The following CHD3 variants were observed in gnomAD, a reference collection of about 807,000 sequenced individuals.
CHD3 encodes ATP-dependent chromatin remodeler CHD3.
A neutral mutation model predicts 248.9 loss-of-function variants in CHD3; 52 were observed. The observed-to-expected ratio is 0.21, with a 90% CI of 0.17 to 0.26. The LOEUF is 0.26. Among genes scored for constraint, CHD3 ranks in the 10% least tolerant of loss-of-function variants. CHD3 has a pLI of 1.00. For missense variants in CHD3, 1,482 were observed against 2,605.8 expected, an observed-to-expected ratio of 0.57 and a Z score of 9.39; for synonymous variants, 985 against 985.2, an observed-to-expected ratio of 1.00 and a Z score of 0.00.
chr17:7,899,817 A>G lies in CHD3; in HGVS notation c.2545-79A>G. 1 of 1,541,736 alleles carries G rather than the reference A, an allele frequency of 6.5e-7. No individual in the cohort carries two copies. Among genetic ancestry groups the G allele is most frequent in the Non-Finnish European group, 8.8e-7 (1 of 1,130,982 alleles). On this transcript the variant is annotated intron_variant, in intron 15 of 39. Transcript: ENST00000330494. The surrounding 1 kb of genome is among the most constrained non-coding windows in gnomAD (Gnocchi z 6.8). ...ATGGCTCCTGTTGGGAGCCACAGTC[A>G]GGACAAGGTGTCTGGTTCTGGAGGT...
Position 7,894,281 on chromosome 17 carries a change from T to C in CHD3, c.1075+16T>C. ...AAGAAGAAGGGTAAGGAGTGTTGAC[T>C]GTGTGTGATCCTGTCAGTGGGCCGT... On this transcript the variant is annotated intron_variant, in intron 7 of 39. Coordinates refer to ENST00000330494, the MANE Select transcript of CHD3 (RefSeq NM_001005273.3). 1.9e-6 allele frequency: 3 copies of C among 1,612,126 alleles called. No homozygotes were observed. The highest frequency in any genetic ancestry group is 2.5e-6 in the Non-Finnish European group (3 of 1,178,856).
In CHD3 at chr17:7,905,181, C is replaced by G. The variant is rs1244345951; in HGVS notation, c.4138+16C>G. 1 of 1,610,272 alleles carries G rather than the reference C, an allele frequency of 6.2e-7. No individual in the cohort carries two copies. Among genetic ancestry groups the G allele is most frequent in the Non-Finnish European group, 8.5e-7 (1 of 1,176,456 alleles). On this transcript the variant is annotated intron_variant, in intron 26 of 39. Coordinates refer to ENST00000330494, the MANE Select transcript of CHD3 (RefSeq NM_001005273.3). This position sits in a 1 kb window ranked among gnomAD's most constrained non-coding sequence, Gnocchi z 5.8. ...CGTCCTGAAGGTGGCATCTGTGTTC[C>G]TGACTCTACCTCACCTCTTCCCGTT...
rs1253948370 is a variant in CHD3 at position 7,907,751 on chromosome 17, G to A, written c.5026+49G>A. 1 of 1,510,768 alleles carries A rather than the reference G, an allele frequency of 6.6e-7. No individual in the cohort carries two copies. The highest frequency in any genetic ancestry group is 2.7e-5 in the Admixed American group (1 of 37,732). The allele number at this position is 1,510,768 out of a possible 1,614,324, so 93.6% of individuals were successfully genotyped here. A position where few individuals can be genotyped will look rare whatever the true frequency, so the allele number is the denominator to read the frequency against. On this transcript the variant is annotated intron_variant, in intron 33 of 39. Coordinates refer to ENST00000330494, the MANE Select transcript of CHD3 (RefSeq NM_001005273.3). This position sits in a 1 kb window ranked among gnomAD's most constrained non-coding sequence, Gnocchi z 4.3. ...ACCTGGGTCCCAGAGGGCATCAGGG[G>A]AGGTGGAGTCTGGGGAACCGAATGC...
chr17:7,896,998 T>A, intron 10 of CHD3, 85 bp from the exon 11 acceptor site: 7 of 1,129,964 alleles, frequency 6.2e-6, no homozygotes, highest in Non-Finnish European at 9.3e-6. Context: ...CCTGTCCCAT[T>A]CCTCCTGCCG....
rs895982670 is a variant in CHD3 at position 7,909,510 on chromosome 17, A to G, written c.5590+172A>G. On this transcript the variant is annotated intron_variant, in intron 37 of 39. Coordinates refer to ENST00000330494, the MANE Select transcript of CHD3 (RefSeq NM_001005273.3). This position sits in a 1 kb window ranked among gnomAD's most constrained non-coding sequence, Gnocchi z 8.1. ...GGCACCCCCTTGGATTTTAGCCTCT[A>G]GGACTTGTGCAAGCCAACCCTCATC... is the stretch of plus-strand genomic sequence containing the variant. 2.6e-4 allele frequency: 257 copies of G among 986,978 alleles called. 6 individuals carry two copies. The Admixed American group carries it at 7.6e-3, about 29-fold the overall frequency. The allele number at this position is 986,978 out of a possible 1,614,324, so 61.1% of individuals were successfully genotyped here.
upstream of CHD3, among the ~76,000 whole-genome samples, chr17:7,886,507 T>G (rs1967974181): frequency 6.6e-6 from 1 of 152,170 alleles, no homozygotes; most frequent in Admixed American, 6.5e-5. The surrounding 1 kb of genome is among the most constrained non-coding windows in gnomAD (Gnocchi z 4.2). Flanking sequence ...AACGTTCCTG[T>G]CTAGCCGAGA....
Position 7,902,687 on chromosome 17 carries a change from C to T in CHD3, c.3330C>T (p.Ile1110=). ...GYKYERIDGG[I]TGALRQEAID... ...AGTATGAGCGCATCGATGGTGGTAT[C>T]ACGGGTGCCCTGAGGCAGGAGGCCA... The change falls in exon 21 of 40, where the codon ATC becomes ATT. Residue 1110 remains isoleucine, a synonymous_variant. Coordinates refer to ENST00000330494, the MANE Select transcript of CHD3 (RefSeq NM_001005273.3). The T allele has an allele frequency of 1.2e-6, 2 of 1,614,000 alleles. No homozygotes were observed. Among genetic ancestry groups the T allele is most frequent in the Non-Finnish European group, 1.7e-6 (2 of 1,179,922 alleles).
At chr17:7,901,019 T>TCGAA in intron 19 of CHD3, 26 bp downstream of exon 19, 1 of 1,604,422 alleles carries the variant, frequency 6.2e-7, no homozygotes, top group Non-Finnish European at 8.5e-7. Flanking sequence ...AGGGAGCTGA[T>TCGAA]CGAACGCCCA....
rs759192548 is a variant in CHD3, at chr17:7,907,096, C to T, written c.4667-30C>T. The T allele has an allele frequency of 9.3e-6, 15 of 1,613,964 alleles. No homozygotes were observed. The highest frequency in any genetic ancestry group is 1.3e-5 in the Non-Finnish European group (15 of 1,179,968). ...GCCAGGAGTCAGGGCGGGAGAATCTCTGTCTTTATCACTGTGCCTTCCCCT... is the reference window on the plus strand; with the variant it reads ...GCCAGGAGTCAGGGCGGGAGAATCTTTGTCTTTATCACTGTGCCTTCCCCT... On this transcript the variant is annotated intron_variant, in intron 30 of 39. Transcript: ENST00000330494. The surrounding 1 kb of genome is among the most constrained non-coding windows in gnomAD (Gnocchi z 4.3).
At position 7,899,232 on chromosome 17, in the gene CHD3, C is replaced by T. The variant is rs763345207; in HGVS notation, c.2343+30C>T. 68 of 1,605,846 alleles carry T rather than the reference C, an allele frequency of 4.2e-5. 1 individual carries two copies. The South Asian group carries it at 5.1e-4, about 12-fold the overall frequency. ...TGGATTCTAGGACCTTGAAGGGGAC[C>T]GCCTGGACTGGGGAAGTGGGGAGGG... On this transcript the variant is annotated intron_variant, in intron 14 of 39. Coordinates refer to ENST00000330494, the MANE Select transcript of CHD3 (RefSeq NM_001005273.3). This position sits in a 1 kb window ranked among gnomAD's most constrained non-coding sequence, Gnocchi z 6.8.
In CHD3 at chr17:7,889,086, G is replaced by T. The variant is rs780204966; in HGVS notation, c.86G>T (p.Gly29Val). 1.9e-6 allele frequency: 3 copies of T among 1,614,232 alleles called. No homozygotes were observed. Among genetic ancestry groups the T allele is most frequent in the Non-Finnish European group, 2.5e-6 (3 of 1,180,034 alleles). ...TCTTTTCCTCCAGGACTGTGTTGGG[G>T]TGACAGGATGCCTGGTAATTATCCG... ...RISFPPGLCW[G>V]DRMPDKDDIR... Residue 29 changes from glycine to valine, a missense_variant, in exon 1 of 40, where the codon GGT (glycine) becomes GTT (valine). By Grantham distance (109) the Gly-to-Val change is moderately radical (BLOSUM62 -3). Transcript: ENST00000330494. The surrounding 1 kb of genome is among the most constrained non-coding windows in gnomAD (Gnocchi z 4.5).
intron 6 of CHD3, 88 bp from the exon 7 acceptor site, chr17:7,894,027 C>CCAAGGATCCAGAGACAGGGATCT: frequency 6.3e-7 from 1 of 1,594,534 alleles, no homozygotes; most frequent in South Asian, 1.1e-5. Flanking sequence ...GACAGGGATC[C>CCAAGGATCCAGAGACAGGGATCT]GTGAGGGATG....
intron 4 of CHD3, among the ~76,000 whole-genome samples, chr17:7,892,007 C>T (rs1271590678): frequency 1.3e-5 from 2 of 152,186 alleles, no homozygotes; most frequent in Non-Finnish European, 2.9e-5. Context: ...CTTCAATCCT[C>T]AATTTCCTCT....
Position 7,904,614 on chromosome 17 carries a change from A to G in CHD3, c.4067A>G (p.Asp1356Gly). Residue 1356 changes from aspartate to glycine, a missense_variant, in exon 25 of 40, where the codon GAC (aspartate) becomes GGC (glycine). Physicochemically the swap from Asp to Gly is moderately conservative, Grantham distance 94. This residue lies in a region of CHD3 where 156 missense variants were observed against 420.3 expected (regional missense o/e 0.37). Coordinates refer to ENST00000330494, the MANE Select transcript of CHD3 (RefSeq NM_001005273.3). This position sits in a 1 kb window ranked among gnomAD's most constrained non-coding sequence, Gnocchi z 4.4. The stretch of plus-strand genomic sequence containing the variant: ...AACTACAATGATGCTGCTCAGGAAG[A>G]CCAAGGTGAGGACTGCCCCAGATGC... ...QVNYNDAAQE[D>G]QDNQSEYSVG... 6.2e-7 allele frequency: 1 copy of G among 1,613,378 alleles called. No homozygotes were observed. Among genetic ancestry groups the G allele is most frequent in the Non-Finnish European group, 8.5e-7 (1 of 1,179,414 alleles).
At position 7,899,573 on chromosome 17, in the gene CHD3, A is replaced by T. The variant is rs1346761998; in HGVS notation, c.2544+30A>T. 6.3e-7 allele frequency: 1 copy of T among 1,592,072 alleles called. No individual in the cohort carries two copies. Among genetic ancestry groups the T allele is most frequent in the Non-Finnish European group, 8.6e-7 (1 of 1,162,440 alleles). ...GACCCTCTACCTCATATCCTCTGAG[A>T]CCCTCAAAGCTGTCACTTCTTTTTC... On this transcript the variant is annotated intron_variant, in intron 15 of 39. Transcript: ENST00000330494. This position sits in a 1 kb window ranked among gnomAD's most constrained non-coding sequence, Gnocchi z 6.8.
chr17:7,888,853 A>G lies in CHD3; in HGVS notation c.-148A>G. On this transcript the variant is annotated 5_prime_UTR_variant, in exon 1 of 40. In the 5' UTR this introduces an upstream ATG that the reference lacks. Coordinates refer to ENST00000330494, the MANE Select transcript of CHD3 (RefSeq NM_001005273.3). ...TGGGTCAGGATATCTGGAACAAAAT[A>G]TGGAGGTGAAGGGTGAGATCGGGAA... The G allele has an allele frequency of 6.8e-7, 1 of 1,463,870 alleles. No homozygotes were observed. The highest frequency in any genetic ancestry group is 9.0e-7 in the Non-Finnish European group (1 of 1,111,856). 90.7% of individuals were successfully genotyped at this position (1,463,870 alleles called of 1,614,324 possible).
At position 7,897,521 on chromosome 17, in the gene CHD3, C is replaced by T. The variant is rs1432153389; in HGVS notation, c.1919+227C>T. 6.6e-6 allele frequency among the ~76,000 whole-genome samples: 1 copy of T among 152,162 alleles called. No homozygotes were observed. The highest frequency in any genetic ancestry group is 1.9e-4 in the East Asian group (1 of 5,196). ...TTTTGTCCTTTGCCTCCTGTCATCT[C>T]CAGTGGCATAAGACATAGCACATGA... On this transcript the variant is annotated intron_variant, in intron 11 of 39. Coordinates refer to ENST00000330494, the MANE Select transcript of CHD3 (RefSeq NM_001005273.3). The surrounding 1 kb of genome is among the most constrained non-coding windows in gnomAD (Gnocchi z 4.8).
Position 7,908,849 on chromosome 17 carries a change from G to C in CHD3, c.5394+20G>C, listed in dbSNP as rs1971301643. 2 of 1,613,980 alleles carry C rather than the reference G, an allele frequency of 1.2e-6. No individual in the cohort carries two copies. The highest frequency in any genetic ancestry group is 2.2e-5 in the South Asian group (2 of 91,082). ...TTCAAGGTGGGAATGAGGGAGGAAA[G>C]GAGCGGGTTATAGACGGGCTTGGGT... On this transcript the variant is annotated intron_variant, in intron 36 of 39. Transcript: ENST00000330494. This position sits in a 1 kb window ranked among gnomAD's most constrained non-coding sequence, Gnocchi z 5.8.
chr17:7,910,129 T>TC lies in CHD3; in HGVS notation c.5591-293dup, dbSNP rs1450992069. 1 of 350,506 alleles carries TC rather than the reference T, an allele frequency of 2.9e-6. No homozygotes were observed. Among genetic ancestry groups the TC allele is most frequent in the Non-Finnish European group, 5.3e-6 (1 of 187,672 alleles). The allele number at this position is 350,506 out of a possible 1,614,324, so 21.7% of individuals were successfully genotyped here. A position where few individuals can be genotyped will look rare whatever the true frequency, so the allele number is the denominator to read the frequency against. On this transcript the variant is annotated intron_variant, in intron 37 of 39. Transcript: ENST00000330494. The surrounding 1 kb of genome is among the most constrained non-coding windows in gnomAD (Gnocchi z 4.7). ...CTCCCCGCCCCCATGTCTTCCAATG[T>TC]CCCCCCATCTTCCTTTCCTCCATGC...
Sources: gnomAD v4.1 joint callset for allele counts (sites outside exome capture counted in the v4.1 genomes callset) on GRCh38, gnomAD v4.1.1 for gene constraint, gnomAD v4.1.1 regional missense constraint, Gnocchi (gnomAD v3.1) non-coding constraint, MANE v1.5 for transcripts, NCBI Gene and HGNC (gene_info 2026-07-23, HGNC 2026-07-21) for gene names.